Variants in IDO1 observed in about 807,000 individuals in gnomAD.
The protein encoded by IDO1 is indoleamine 2,3-dioxygenase 1, also known as indolamine 2,3 dioxygenase.
In IDO1, 35 loss-of-function variants were observed where a neutral mutation model predicts 38.8. That is an observed-to-expected ratio of 0.90 (90% CI 0.69 to 1.20). The LOEUF is 1.20. Ranked by LOEUF, IDO1 falls within the 50% of genes most tolerant of loss-of-function variation. IDO1 has a pLI of 0.00. For synonymous variants in IDO1, 171 were observed against 170.0 expected (o/e 1.01, Z -0.05); for missense variants, 509 against 485.1 (o/e 1.05, Z -0.46).
chr8:39,924,562 A>C (rs892060555), intron 7 of IDO1, among the ~76,000 whole-genome samples, 159 bp from the exon 8 acceptor site: 1 of 152,152 alleles, frequency 6.6e-6, no homozygotes, highest in African/African-American at 2.4e-5. Flanking sequence ...AGAGGGTAGG[A>C]AAGTGAATGC....
rs117106027 is a variant in IDO1, at chr8:39,921,668, C to T, written c.438-884C>T. On this transcript the variant is annotated intron_variant, in intron 5 of 9. Transcript: ENST00000518237. ...GTAAGTTGCAGAGATGGTCTGGCTTCAGATACCATGAATTTAACCACCACA... is the reference window on the plus strand; with the variant it reads ...GTAAGTTGCAGAGATGGTCTGGCTTTAGATACCATGAATTTAACCACCACA... Among the ~76,000 whole-genome samples, 3 of 152,232 alleles carry T rather than the reference C, an allele frequency of 2.0e-5. No individual in the cohort carries two copies. The East Asian group carries it at 5.8e-4, about 29-fold the overall frequency.
chr8:39,923,343 G>A (rs1807304399), intron 6 of IDO1, 126 bp from the exon 7 acceptor site: 1 of 559,732 alleles, frequency 1.8e-6, no homozygotes. Context: ...GGCAGAGCTT[G>A]CAGTGAGCTG....
chr8:39,928,751 A>G lies in IDO1; in HGVS notation c.*566A>G, dbSNP rs1429816955. Among the ~76,000 whole-genome samples the G allele has an allele frequency of 6.6e-6, 1 of 150,806 alleles. No homozygotes were observed. The highest frequency in any genetic ancestry group is 1.5e-5 in the Non-Finnish European group (1 of 67,470). Reference sequence around the variant, plus strand: ...CCGTCTCAAAAAAAAAAAAAAAAAGATATATTCTGTCATAATAAATAAAAA... The same window carrying G: ...CCGTCTCAAAAAAAAAAAAAAAAAGGTATATTCTGTCATAATAAATAAAAA... On this transcript the variant is annotated 3_prime_UTR_variant, in exon 10 of 10. Coordinates refer to ENST00000518237, the MANE Select transcript of IDO1 (RefSeq NM_002164.6).
intron 7 of IDO1, among the ~76,000 whole-genome samples, chr8:39,924,130 C>G (rs887468430): frequency 6.6e-6 from 1 of 152,130 alleles, no homozygotes; most frequent in Non-Finnish European, 1.5e-5. Flanking sequence ...ACAGACTCAA[C>G]AAATACTTGA....
At chr8:39,919,313 A>C (rs1807232733) in intron 4 of IDO1, among the ~76,000 whole-genome samples, 2 of 152,140 alleles carry the variant, frequency 1.3e-5, no homozygotes, top group African/African-American at 4.8e-5. Flanking sequence ...GCCTTATCAA[A>C]AATTAGATGA....
In IDO1 at chr8:39,924,718, C is replaced by CA. The variant is rs1807332076; in HGVS notation, c.656-2dup. ...TAATTAAACATATTCCATCTTTTTA[C>CA]AGATCATGTGAACCCAAAAGCATTT... On this transcript the variant is annotated splice_region_variant and splice_polypyrimidine_tract_variant and intron_variant, in intron 7 of 9. Transcript: ENST00000518237. 2 of 1,596,616 alleles carry CA rather than the reference C, an allele frequency of 1.3e-6. No individual in the cohort carries two copies. The highest frequency in any genetic ancestry group is 2.2e-5 in the South Asian group (2 of 90,354).
intron 5 of IDO1, among the ~76,000 whole-genome samples, chr8:39,920,396 T>A (rs1807253958): frequency 6.6e-6 from 1 of 152,210 alleles, no homozygotes; most frequent in Admixed American, 6.5e-5. Context: ...TGCACATACA[T>A]CTGTGTATCT....
Position 39,928,690 on chromosome 8 carries a change from G to A in IDO1, c.*505G>A, listed in dbSNP as rs1004076275. 4.7e-5 allele frequency among the ~76,000 whole-genome samples: 7 copies of A among 147,874 alleles called. No homozygotes were observed. The highest frequency in any genetic ancestry group is 7.4e-5 in the Non-Finnish European group (5 of 67,534). ...GGAGCTTGCAGTGAGCCAAGATTGTGCCACTGCAATCCGGCCTGGGCTAAA... is the reference window on the plus strand; with the variant it reads ...GGAGCTTGCAGTGAGCCAAGATTGTACCACTGCAATCCGGCCTGGGCTAAA... On this transcript the variant is annotated 3_prime_UTR_variant, in exon 10 of 10. Coordinates refer to ENST00000518237, the MANE Select transcript of IDO1 (RefSeq NM_002164.6).
chr8:39,927,378 T>G (rs1807378174), intron 9 of IDO1, among the ~76,000 whole-genome samples: 1 of 151,854 alleles, frequency 6.6e-6, no homozygotes, highest in Admixed American at 6.6e-5. Context: ...CTGACCAACA[T>G]GGAGAAACCC....
intron 7 of IDO1, among the ~76,000 whole-genome samples, chr8:39,924,131 A>T (rs1467169570): frequency 6.6e-6 from 1 of 152,168 alleles, no homozygotes; most frequent in Non-Finnish European, 1.5e-5. Flanking sequence ...CAGACTCAAC[A>T]AATACTTGAT....
rs1483938591 is a variant in IDO1 at position 39,928,144 on chromosome 8, G to T, written c.1171G>T (p.Val391Leu). The T allele has an allele frequency of 6.2e-7, 1 of 1,612,974 alleles. No homozygotes were observed. Among genetic ancestry groups the T allele is most frequent in the East Asian group, 2.2e-5 (1 of 44,894 alleles). Residue 391 changes from valine to leucine, a missense_variant, in exon 10 of 10, where the codon GTA (valine) becomes TTA (leucine). Coordinates refer to ENST00000518237, the MANE Select transcript of IDO1 (RefSeq NM_002164.6). The stretch of plus-strand genomic sequence containing the variant: ...TGATTTAATGAATTTCCTGAAGACT[G>T]TAAGAAGTACAACTGAGAAATCCCT... ...GTDLMNFLKTVRSTTEKSLLK... is the reference protein window; with the variant it reads ...GTDLMNFLKTLRSTTEKSLLK...
Position 39,918,869 on chromosome 8 carries a change from C to G in IDO1, c.358C>G (p.Leu120Val). 6.2e-7 allele frequency: 1 copy of G among 1,612,878 alleles called. No individual in the cohort carries two copies. Among genetic ancestry groups the G allele is most frequent in the East Asian group, 2.2e-5 (1 of 44,846 alleles). Reference protein sequence around the residue: ...PYCQLSKKLELPPILVYADCV... With the variant: ...PYCQLSKKLEVPPILVYADCV... Reference sequence around the variant, plus strand: ...CTGCCAACTCTCCAAGAAACTGGAACTGCCTCCTATTTTGGTTTATGCAGA... The same window carrying G: ...CTGCCAACTCTCCAAGAAACTGGAAGTGCCTCCTATTTTGGTTTATGCAGA... The change falls in exon 4 of 10, where the codon CTG becomes GTG. Residue 120 changes from leucine to valine, a missense_variant. Physicochemically the swap from Leu to Val is conservative, Grantham distance 32 (BLOSUM62 1). Coordinates refer to ENST00000518237, the MANE Select transcript of IDO1 (RefSeq NM_002164.6).
In IDO1 at chr8:39,925,431, T is replaced by A. The variant is rs112129370; in HGVS notation, c.856+60T>A. The A allele has an allele frequency of 3.4e-6, 5 of 1,470,724 alleles. No homozygotes were observed. The African/African-American group carries it at 5.6e-5, about 16-fold the overall frequency. The allele number at this position is 1,470,724 out of a possible 1,614,324, so 91.1% of individuals were successfully genotyped here. A position where few individuals can be genotyped will look rare whatever the true frequency, so the allele number is the denominator to read the frequency against. On this transcript the variant is annotated intron_variant, in intron 9 of 9. Coordinates refer to ENST00000518237, the MANE Select transcript of IDO1 (RefSeq NM_002164.6). ...ATGTGAATACAATAGTATTTGGATA[T>A]CTACAAAGCACCTTCCCATCAGCAT...
intron 1 of IDO1, among the ~76,000 whole-genome samples, chr8:39,914,709 A>T (rs1227331886): frequency 6.6e-6 from 1 of 152,148 alleles, no homozygotes; most frequent in African/African-American, 2.4e-5. Context: ...GCAATTTACA[A>T]ATTAACCCTT....
In IDO1 at chr8:39,928,304, C is replaced by T; in HGVS notation, c.*119C>T. 1 of 653,604 alleles carries T rather than the reference C, an allele frequency of 1.5e-6. No individual in the cohort carries two copies. 40.5% of individuals were successfully genotyped at this position (653,604 alleles called of 1,614,324 possible). A position where few individuals can be genotyped will look rare whatever the true frequency, so the allele number is the denominator to read the frequency against. On this transcript the variant is annotated 3_prime_UTR_variant, in exon 10 of 10. Transcript: ENST00000518237. ...GCAATGTTTTACCAATAATGCAATA[C>T]AAAAGACCTCAAAATACCTGTGCAT...
rs761435727 is a variant in IDO1 at position 39,918,896 on chromosome 8, T to G, written c.385T>G (p.Cys129Gly). ...ELPPILVYAD[C>G]VLANWKKKDP... ...GCCTCCTATTTTGGTTTATGCAGACTGTGTCTTGGCAAACTGGAAGAAAAA... is the reference window on the plus strand; with the variant it reads ...GCCTCCTATTTTGGTTTATGCAGACGGTGTCTTGGCAAACTGGAAGAAAAA... The change falls in exon 4 of 10, where the codon TGT becomes GGT. Residue 129 changes from cysteine to glycine, a missense_variant. Transcript: ENST00000518237. 1 of 1,610,754 alleles carries G rather than the reference T, an allele frequency of 6.2e-7. No individual in the cohort carries two copies. The highest frequency in any genetic ancestry group is 8.5e-7 in the Non-Finnish European group (1 of 1,177,134).
chr8:39,925,178 A>C (rs1238124297), intron 8 of IDO1, 45 bp from the exon 9 acceptor site: 1 of 1,517,438 alleles, frequency 6.6e-7, no homozygotes, highest in Non-Finnish European at 8.8e-7. Context: ...ATTAGCAATT[A>C]ACCTAAAGAA....
rs1389616150 is a variant in IDO1 at position 39,928,666 on chromosome 8, G to A, written c.*481G>A. Among the ~76,000 whole-genome samples the A allele has an allele frequency of 6.6e-6, 1 of 150,680 alleles. No individual in the cohort carries two copies. Among genetic ancestry groups the A allele is most frequent in the Non-Finnish European group, 1.5e-5 (1 of 67,806 alleles). ...GAGAATGGCGTGAACCTGGGAGGCG[G>A]AGCTTGCAGTGAGCCAAGATTGTGC... On this transcript the variant is annotated 3_prime_UTR_variant, in exon 10 of 10. Coordinates refer to ENST00000518237, the MANE Select transcript of IDO1 (RefSeq NM_002164.6).
chr8:39,923,453 T>G lies in IDO1; in HGVS notation c.538-16T>G. ...AAGAAAACCTTAAATGTTTGTGTTTTGTTTGTTTGTTTTAGGTAATTCCTA... is the reference window on the plus strand; with the variant it reads ...AAGAAAACCTTAAATGTTTGTGTTTGGTTTGTTTGTTTTAGGTAATTCCTA... On this transcript the variant is annotated splice_polypyrimidine_tract_variant and intron_variant, in intron 6 of 9. Transcript: ENST00000518237. 2 of 1,376,420 alleles carry G rather than the reference T, an allele frequency of 1.5e-6. No individual in the cohort carries two copies. Among genetic ancestry groups the G allele is most frequent in the Non-Finnish European group, 2.1e-6 (2 of 966,488 alleles). 85.3% of individuals were successfully genotyped at this position (1,376,420 alleles called of 1,614,324 possible).
Sources: allele counts gnomAD v4.1 joint callset (sites outside exome capture counted in the v4.1 genomes callset), GRCh38; gene constraint gnomAD v4.1.1; transcripts MANE v1.5; gene names NCBI Gene and HGNC (gene_info 2026-07-23, HGNC 2026-07-21).